Variants in FAF2 observed in about 807,000 individuals in gnomAD.
The protein encoded by FAF2 is FAS-associated factor 2.
In FAF2, 9 loss-of-function variants were observed where a neutral mutation model predicts 62.3. That is an observed-to-expected ratio of 0.14 (90% CI 0.09 to 0.25). The LOEUF (loss-of-function observed/expected upper bound fraction) is 0.25, where lower values mean the gene tolerates loss of function less well. Among genes scored for constraint, FAF2 ranks in the 10% least tolerant of loss-of-function variants. The pLI is 1.00. For missense variants in FAF2, 368 were observed against 556.2 expected (o/e 0.66, Z 3.40); for synonymous variants, 202 against 198.0 (o/e 1.02, Z -0.17).
At chr5:176,503,371 A>G (rs756442936) in intron 10 of FAF2, among the ~76,000 whole-genome samples, 14 of 152,072 alleles carry the variant, frequency 9.2e-5, no homozygotes, top group African/African-American at 1.4e-4. Flanking sequence ...CCTGGCCAAC[A>G]TGGTGAAACC....
chr5:176,484,101 G>A (rs1187216406), intron 2 of FAF2, among the ~76,000 whole-genome samples: 5 of 151,954 alleles, frequency 3.3e-5, no homozygotes, highest in Non-Finnish European at 7.4e-5. Context: ...AAAAAAAGGG[G>A]GCAGAGTCTA....
intron 1 of FAF2, among the ~76,000 whole-genome samples, chr5:176,463,268 A>T (rs550793630): frequency 4.6e-4 from 70 of 151,524 alleles, no homozygotes; most frequent in Middle Eastern, 6.8e-3. Context: ...ATGGTGGCAG[A>T]CTCCTGTAAT....
chr5:176,484,042 C>T (rs919347160), intron 2 of FAF2, among the ~76,000 whole-genome samples: 1 of 151,770 alleles, frequency 6.6e-6, no homozygotes, highest in Non-Finnish European at 1.5e-5. Context: ...CCACTGCACT[C>T]CAGCCTGGTG....
At chr5:176,459,106 T>C (rs976440791) in intron 1 of FAF2, among the ~76,000 whole-genome samples, 1 of 152,190 alleles carries the variant, frequency 6.6e-6, no homozygotes, top group African/African-American at 2.4e-5. Flanking sequence ...TAATATTTGC[T>C]CAATGACTAA....
In FAF2 at chr5:176,506,953, T is replaced by A; in HGVS notation, c.*3T>A. On this transcript the variant is annotated 3_prime_UTR_variant, in exon 11 of 11. Coordinates refer to ENST00000261942, the MANE Select transcript of FAF2 (RefSeq NM_014613.3). ...TTCAGGACCTAACTGACGAATGACA[T>A]TTTTTTCTTCCTGTCCCCTCCTACC... 6.6e-7 allele frequency: 1 copy of A among 1,510,934 alleles called. No homozygotes were observed. The highest frequency in any genetic ancestry group is 8.9e-7 in the Non-Finnish European group (1 of 1,119,174). 93.6% of individuals were successfully genotyped at this position (1,510,934 alleles called of 1,614,324 possible).
chr5:176,505,878 T>C (rs1488283655), intron 10 of FAF2, among the ~76,000 whole-genome samples: 4 of 152,178 alleles, frequency 2.6e-5, no homozygotes, highest in African/African-American at 9.7e-5. Context: ...GGCTTAAAAC[T>C]GGATCCTTGG....
chr5:176,504,274 GA>G lies in FAF2; in HGVS notation c.1156-2493del, dbSNP rs374265072. ...GTGGGTCACCTGAGGTCAGGAGTTCGAGACCAGCCTAATGAAACCCTGTCTC... is the reference window on the plus strand; with the variant it reads ...GTGGGTCACCTGAGGTCAGGAGTTCGGACCAGCCTAATGAAACCCTGTCTC... On this transcript the variant is annotated intron_variant, in intron 10 of 10. Transcript: ENST00000261942. 4.0e-3 allele frequency among the ~76,000 whole-genome samples: 609 copies of G among 152,118 alleles called. 4 individuals are homozygous for G. The highest frequency in any genetic ancestry group is 0.014 in the African/African-American group (591 of 41,488).
intron 2 of FAF2, among the ~76,000 whole-genome samples, chr5:176,479,699 C>G (rs1758758563): frequency 6.6e-6 from 1 of 151,964 alleles, no homozygotes. Context: ...TATAATGCCT[C>G]TGATTTTTTT....
At position 176,456,520 on chromosome 5, in the gene FAF2, A is replaced by G. The variant is rs148040213; in HGVS notation, c.63+8050A>G. Among the ~76,000 whole-genome samples the G allele has an allele frequency of 2.6e-5, 4 of 152,230 alleles. No homozygotes were observed. In the East Asian group the frequency reaches 7.7e-4, roughly 29 times the overall value. On this transcript the variant is annotated intron_variant, in intron 1 of 10. Transcript: ENST00000261942. The stretch of plus-strand genomic sequence containing the variant: ...CTTTAAGGATTTGAGGTCCTTAAGG[A>G]ATTGCAAATTAAAACAGCAATGAAA...
chr5:176,496,449 C>T (rs766517900), intron 7 of FAF2, 37 bp from the exon 8 acceptor site: 1 of 1,487,466 alleles, frequency 6.7e-7, no homozygotes. Flanking sequence ...TTTTCACCGT[C>T]AAGTCCTGCC....
intron 4 of FAF2, 104 bp from the exon 5 acceptor site, chr5:176,492,090 G>T (rs1758980108): frequency 1.0e-5 from 14 of 1,339,490 alleles, no homozygotes; most frequent in Non-Finnish European, 1.5e-5. Context: ...ACCTCCCTTT[G>T]TTGCCGTGCC....
Position 176,507,237 on chromosome 5 carries a change from G to C in FAF2, c.*287G>C. On this transcript the variant is annotated 3_prime_UTR_variant, in exon 11 of 11. Coordinates refer to ENST00000261942, the MANE Select transcript of FAF2 (RefSeq NM_014613.3). ...CTGTGCACGCACCTTCCAGTGAACA[G>C]AGACTCTTCACCTTCGACCCATCCA... The C allele has an allele frequency of 2.2e-6, 1 of 453,760 alleles. No homozygotes were observed. Among genetic ancestry groups the C allele is most frequent in the Non-Finnish European group, 4.4e-6 (1 of 227,140 alleles). 28.1% of individuals were successfully genotyped at this position (453,760 alleles called of 1,614,324 possible). A position where few individuals can be genotyped will look rare whatever the true frequency, so the allele number is the denominator to read the frequency against.
At chr5:176,461,499 T>A (rs1320130257) in intron 1 of FAF2, among the ~76,000 whole-genome samples, 6 of 147,230 alleles carry the variant, frequency 4.1e-5, no homozygotes, top group African/African-American at 1.5e-4. Context: ...TTTTATTTTA[T>A]TTTTTTTTTT....
chr5:176,506,156 A>C (rs1755680023), intron 10 of FAF2, among the ~76,000 whole-genome samples: 1 of 147,540 alleles, frequency 6.8e-6, no homozygotes, highest in Non-Finnish European at 1.5e-5. Context: ...GCGCCATTGC[A>C]CTCCATTCAG....
At chr5:176,471,763 C>T (rs1169424994) in intron 1 of FAF2, among the ~76,000 whole-genome samples, 10 of 149,670 alleles carry the variant, frequency 6.7e-5, no homozygotes, top group Non-Finnish European at 1.5e-4. Flanking sequence ...CTTGGCTCAC[C>T]GCAACCACCT....
At chr5:176,505,360 C>T (rs1253673888) in intron 10 of FAF2, among the ~76,000 whole-genome samples, 1 of 152,174 alleles carries the variant, frequency 6.6e-6, no homozygotes, top group African/African-American at 2.4e-5. Flanking sequence ...ATACTGCCTC[C>T]CTTCTCACTA....
chr5:176,466,409 A>G (rs1403570438), intron 1 of FAF2, among the ~76,000 whole-genome samples: 1 of 152,208 alleles, frequency 6.6e-6, no homozygotes, highest in Non-Finnish European at 1.5e-5. Context: ...CCAACAAGCC[A>G]ATTGGAATTT....
chr5:176,471,375 C>CTTTTTTTT (rs138149987), intron 1 of FAF2, among the ~76,000 whole-genome samples: 1 of 97,624 alleles, frequency 1.0e-5, no homozygotes, highest in African/African-American at 4.1e-5. Context: ...TCTGTACATT[C>CTTTTTTTT]TTTTTTTTTT....
At chr5:176,456,784 G>T (rs1758283600) in intron 1 of FAF2, among the ~76,000 whole-genome samples, 1 of 152,144 alleles carries the variant, frequency 6.6e-6, no homozygotes, top group Non-Finnish European at 1.5e-5. Context: ...TCCTCTAAAA[G>T]AAATTTGAAA....
Sources: allele counts gnomAD v4.1 joint callset (sites outside exome capture counted in the v4.1 genomes callset), GRCh38; gene constraint gnomAD v4.1.1; transcripts MANE v1.5; gene names NCBI Gene and HGNC (gene_info 2026-07-23, HGNC 2026-07-21).